Variants in CDKAL1 observed in about 807,000 individuals in gnomAD.
CDKAL1 encodes the protein CDKAL1 threonylcarbamoyladenosine tRNA methylthiotransferase.
In CDKAL1, 32 loss-of-function variants were observed where a neutral mutation model predicts 68.2. That is an observed-to-expected ratio of 0.47 (90% confidence interval 0.35 to 0.63). The LOEUF is 0.63. CDKAL1 is among the 30% of genes least tolerant of loss of function. CDKAL1 has a pLI of 0.00. For missense variants in CDKAL1, 606 were observed against 696.7 expected, an observed-to-expected ratio of 0.87 and a Z score of 1.47; for synonymous variants, 234 against 244.3, an observed-to-expected ratio of 0.96 and a Z score of 0.39.
chr6:20,773,845 C>T (rs997371499), intron 7 of CDKAL1, among the ~76,000 whole-genome samples: 26 of 152,096 alleles, frequency 1.7e-4, no homozygotes, highest in African/African-American at 6.0e-4. Context: ...TGCACCTGGC[C>T]CATTTATTCA....
chr6:20,984,653 G>A (rs1766345270), intron 10 of CDKAL1, among the ~76,000 whole-genome samples: 1 of 150,662 alleles, frequency 6.6e-6, no homozygotes, highest in Non-Finnish European at 1.5e-5. Flanking sequence ...GCTGAAAAGG[G>A]GACGGATTGG....
At chr6:21,117,628 C>A (rs953268406) in intron 13 of CDKAL1, among the ~76,000 whole-genome samples, 1 of 152,006 alleles carries the variant, frequency 6.6e-6, no homozygotes. Flanking sequence ...CAGAGAGAGA[C>A]CCCTGTCTCA....
At chr6:20,978,163 A>G (rs971147069) in intron 10 of CDKAL1, among the ~76,000 whole-genome samples, 4 of 152,222 alleles carry the variant, frequency 2.6e-5, no homozygotes, top group African/African-American at 7.2e-5. Context: ...CCCAGCTACT[A>G]TGTAGTCAGA....
intron 4 of CDKAL1, among the ~76,000 whole-genome samples, chr6:20,588,973 A>G (rs1021641549): frequency 1.3e-5 from 2 of 152,152 alleles, no homozygotes; most frequent in African/African-American, 4.8e-5. Flanking sequence ...ATTTTCATTT[A>G]TGGTTTTATG....
chr6:21,085,326 G>A (rs1395816897), intron 12 of CDKAL1, among the ~76,000 whole-genome samples: 1 of 152,184 alleles, frequency 6.6e-6, no homozygotes, highest in African/African-American at 2.4e-5. Context: ...TATTGAGTAA[G>A]CTTCTACTAC....
At position 20,907,295 on chromosome 6, in the gene CDKAL1, G is replaced by T. The variant is rs530436981; in HGVS notation, c.743-48124G>T. On this transcript the variant is annotated intron_variant, in intron 9 of 15. Transcript: ENST00000274695. ...AATTTGGCCAGGCATGATGGCATGT[G>T]CTTGTAGTCCCAGCTACTTGGGAGA... Among the ~76,000 whole-genome samples, 5 of 152,250 alleles carry T rather than the reference G, an allele frequency of 3.3e-5. No individual in the cohort carries two copies. In the South Asian group the frequency reaches 1.0e-3, roughly 32 times the overall value.
At chr6:21,109,133 T>G (rs1773999786) in intron 13 of CDKAL1, among the ~76,000 whole-genome samples, 1 of 152,198 alleles carries the variant, frequency 6.6e-6, no homozygotes, top group Non-Finnish European at 1.5e-5. Context: ...AAAAAATATG[T>G]AGCCATTTTT....
intron 7 of CDKAL1, among the ~76,000 whole-genome samples, chr6:20,769,888 C>G (rs1266142215): frequency 6.6e-6 from 1 of 152,132 alleles, no homozygotes; most frequent in Non-Finnish European, 1.5e-5. Context: ...TCCCCTTGTT[C>G]CACATACCCT....
chr6:20,634,922 A>G (rs1050328171), intron 4 of CDKAL1, among the ~76,000 whole-genome samples: 20 of 149,692 alleles, frequency 1.3e-4, no homozygotes, highest in Non-Finnish European at 2.8e-4. Flanking sequence ...GGTTGCAGTG[A>G]GCCAAGACTG....
intron 11 of CDKAL1, among the ~76,000 whole-genome samples, chr6:21,017,241 A>G (rs1013268626): frequency 5.3e-5 from 8 of 152,054 alleles, no homozygotes; most frequent in African/African-American, 1.7e-4. Context: ...AGTGCCTGGA[A>G]CAAACCCATT....
intron 5 of CDKAL1, among the ~76,000 whole-genome samples, chr6:20,653,405 A>G (rs1768862770): frequency 6.6e-6 from 1 of 152,078 alleles, no homozygotes; most frequent in African/African-American, 2.4e-5. Context: ...AAGTTTTTGC[A>G]AGTCTGTTGG....
chr6:21,013,013 T>C (rs1768106926), intron 11 of CDKAL1, among the ~76,000 whole-genome samples: 1 of 152,214 alleles, frequency 6.6e-6, no homozygotes, highest in Non-Finnish European at 1.5e-5. Flanking sequence ...AGACCCTGTC[T>C]TTTATTTACT....
At chr6:21,064,286 A>C (rs1250968543) in intron 11 of CDKAL1, among the ~76,000 whole-genome samples, 1 of 152,176 alleles carries the variant, frequency 6.6e-6, no homozygotes, top group African/African-American at 2.4e-5. Context: ...AATTAAGAAG[A>C]CTTAGGATCC....
At chr6:21,108,296 A>AC in intron 12 of CDKAL1, 105 bp from the exon 13 acceptor site, 1 of 688,276 alleles carries the variant, frequency 1.5e-6, no homozygotes. Flanking sequence ...AAAAAAAAAA[A>AC]AACTTTATGT....
At chr6:20,668,261 C>G (rs1269975662) in intron 5 of CDKAL1, among the ~76,000 whole-genome samples, 1 of 152,078 alleles carries the variant, frequency 6.6e-6, no homozygotes, top group Non-Finnish European at 1.5e-5. Flanking sequence ...CCAGTCACCT[C>G]TCGACTTTTT....
At chr6:20,847,585 GT>G (rs1156270334) in intron 9 of CDKAL1, among the ~76,000 whole-genome samples, 1 of 152,044 alleles carries the variant, frequency 6.6e-6, no homozygotes, top group African/African-American at 2.4e-5. Context: ...ACTTGAAAAC[GT>G]TTTTGAAAAA....
chr6:21,093,730 T>A (rs1773174282), intron 12 of CDKAL1, among the ~76,000 whole-genome samples: 1 of 68,096 alleles, frequency 1.5e-5, no homozygotes, highest in Non-Finnish European at 2.8e-5. Context: ...TTTTTTTTTT[T>A]TTTTGGAGAC....
At chr6:21,082,874 G>GTT (rs71540612) in intron 12 of CDKAL1, among the ~76,000 whole-genome samples, 4,201 of 129,078 alleles carry the variant, frequency 0.033, 158 homozygotes, top group African/African-American at 0.084. Flanking sequence ...TGTTTCTTTT[G>GTT]TTTTTTTTTT....
intron 4 of CDKAL1, among the ~76,000 whole-genome samples, chr6:20,591,184 G>A (rs753163246): frequency 7.9e-5 from 12 of 151,968 alleles, no homozygotes; most frequent in African/African-American, 1.2e-4. Context: ...CATATTCTTC[G>A]CCCACTTTTT....
Sources: allele counts gnomAD v4.1 joint callset (sites outside exome capture counted in the v4.1 genomes callset), GRCh38; gene constraint gnomAD v4.1.1; transcripts MANE v1.5; gene names NCBI Gene and HGNC (gene_info 2026-07-23, HGNC 2026-07-21).